Variants in PRMT9 observed in about 807,000 individuals in gnomAD.
The protein encoded by PRMT9 is protein arginine methyltransferase 9, also known as protein arginine N-methyltransferase 9.
A neutral mutation model predicts 83.2 loss-of-function variants in PRMT9; 59 were observed. The ratio of observed to expected loss-of-function variants is 0.71; its 90% confidence interval spans 0.57 to 0.88. PRMT9 has a LOEUF of 0.88. Among genes scored for constraint, PRMT9 ranks in the 40% least tolerant of loss-of-function variants. PRMT9 has a pLI of 0.00. For synonymous variants in PRMT9, 333 were observed against 353.2 expected (o/e 0.94, Z 0.64); for missense variants, 947 against 1,021.9 (o/e 0.93, Z 1.00).
At chr4:147,666,646 G>A (rs1306820474) in intron 6 of PRMT9, among the ~76,000 whole-genome samples, 1 of 151,860 alleles carries the variant, frequency 6.6e-6, no homozygotes, top group Non-Finnish European at 1.5e-5. Flanking sequence ...AGTTTCCTTG[G>A]ATATTCTTAA....
In PRMT9 at chr4:147,638,241, A is replaced by C. The variant is rs181877769; in HGVS notation, c.*291T>G. 19 of 364,798 alleles carry C rather than the reference A, an allele frequency of 5.2e-5. No individual in the cohort carries two copies. Among genetic ancestry groups the C allele is most frequent in the Non-Finnish European group, 9.1e-5 (18 of 196,894 alleles). 22.6% of individuals were successfully genotyped at this position (364,798 alleles called of 1,614,324 possible). A position where few individuals can be genotyped will look rare whatever the true frequency, so the allele number is the denominator to read the frequency against. On this transcript the variant is annotated 3_prime_UTR_variant, in exon 12 of 12. Coordinates refer to ENST00000322396, the MANE Select transcript of PRMT9 (RefSeq NM_138364.4). ...AAGTAAAGTTTTGCTTTACTTACAC[A>C]TGTCAATAACGATAAGACTTTTAAA...
chr4:147,681,274 G>A (rs1736451009), intron 1 of PRMT9, among the ~76,000 whole-genome samples: 1 of 152,120 alleles, frequency 6.6e-6, no homozygotes, highest in Non-Finnish European at 1.5e-5. Context: ...AACCTAATCT[G>A]GCCCTTGTAA....
rs189371126 is a variant in PRMT9 at position 147,671,366 on chromosome 4, G to A, written c.744-623C>T. ...CTGCCTGAGTCTTAGAAAAAGCCTC[G>A]TCCACAGAACTCTGCTCTTCTGTCC... On this transcript the variant is annotated intron_variant, in intron 4 of 11. Coordinates refer to ENST00000322396, the MANE Select transcript of PRMT9 (RefSeq NM_138364.4). Among the ~76,000 whole-genome samples the A allele has an allele frequency of 1.3e-3, 198 of 152,132 alleles. 2 individuals carry two copies. Among genetic ancestry groups the A allele is most frequent in the Non-Finnish European group, 7.4e-4 (50 of 67,980 alleles).
At chr4:147,656,051 T>C (rs1439124003) in intron 8 of PRMT9, among the ~76,000 whole-genome samples, 3 of 152,134 alleles carry the variant, frequency 2.0e-5, no homozygotes, top group Non-Finnish European at 2.9e-5. Context: ...TATCATCCCG[T>C]TTTTATATAT....
At chr4:147,673,612 A>C in intron 3 of PRMT9, 26 bp downstream of exon 3, 2 of 1,313,358 alleles carry the variant, frequency 1.5e-6, no homozygotes, top group Non-Finnish European at 2.2e-6. Context: ...ACATGTATAT[A>C]CCATTAAAAT....
chr4:147,679,892 C>A (rs1309075634), intron 2 of PRMT9, among the ~76,000 whole-genome samples: 5 of 152,220 alleles, frequency 3.3e-5, no homozygotes, highest in Non-Finnish European at 7.3e-5. Flanking sequence ...TCTTACCCTA[C>A]TACATGGTTT....
At chr4:147,668,763 G>GT in intron 5 of PRMT9, 118 bp from the exon 6 acceptor site, 2 of 706,338 alleles carry the variant, frequency 2.8e-6, no homozygotes, top group East Asian at 2.7e-5. Flanking sequence ...TAAGGATAAA[G>GT]TAAGTTAAAG....
chr4:147,662,200 A>C (rs1735013555), intron 6 of PRMT9, among the ~76,000 whole-genome samples: 1 of 152,230 alleles, frequency 6.6e-6, no homozygotes, highest in African/African-American at 2.4e-5. Context: ...CAATGAGAAT[A>C]AACAAACTAA....
At chr4:147,639,352 T>C (rs1375421103) in intron 10 of PRMT9, 1 of 379,342 alleles carries the variant, frequency 2.6e-6, no homozygotes, top group African/African-American at 2.1e-5. Context: ...CCATTACCTG[T>C]AGATCTTTCA....
chr4:147,658,894 T>C (rs1359168043), intron 7 of PRMT9, among the ~76,000 whole-genome samples: 2 of 151,948 alleles, frequency 1.3e-5, no homozygotes, highest in East Asian at 3.9e-4. Context: ...GGTCAAGAGT[T>C]TGGGGCCGGG....
At chr4:147,656,771 CAAAAAAA>C (rs1023416920) in intron 8 of PRMT9, among the ~76,000 whole-genome samples, 6 of 47,956 alleles carry the variant, frequency 1.3e-4, no homozygotes, top group Admixed American at 6.3e-4. Context: ...GACTCTGTCT[CAAAAAAA>C]AAAAAAAAAA....
At chr4:147,641,291 G>A (rs1254247929) in intron 10 of PRMT9, among the ~76,000 whole-genome samples, 2 of 152,002 alleles carry the variant, frequency 1.3e-5, no homozygotes, top group Admixed American at 6.6e-5. Context: ...TCAACATCTG[G>A]CCCCTAATAC....
chr4:147,656,933 G>A (rs1734547866), intron 8 of PRMT9, among the ~76,000 whole-genome samples: 1 of 151,632 alleles, frequency 6.6e-6, no homozygotes, highest in South Asian at 2.1e-4. Context: ...AGCCTAAAAA[G>A]GGTAGTTTTT....
chr4:147,668,288 T>C (rs1162911243), intron 6 of PRMT9, among the ~76,000 whole-genome samples: 1 of 152,144 alleles, frequency 6.6e-6, no homozygotes, highest in African/African-American at 2.4e-5. Flanking sequence ...CAAGATCTGA[T>C]GGTTTTACAA....
chr4:147,670,802 T>C (rs1278966063), intron 4 of PRMT9, 59 bp from the exon 5 acceptor site: 29 of 1,093,438 alleles, frequency 2.7e-5, no homozygotes, highest in African/African-American at 4.7e-5. Context: ...TATATAAAGA[T>C]GTCAAAGCTG....
Position 147,638,376 on chromosome 4 carries a change from C to G in PRMT9, c.*156G>C, listed in dbSNP as rs988029491. ...GCAGTATTTCTATAATAATGCTACCCTTTTATTTAGAATCTTTTAAAATAT... is the reference window on the plus strand; with the variant it reads ...GCAGTATTTCTATAATAATGCTACCGTTTTATTTAGAATCTTTTAAAATAT... On this transcript the variant is annotated 3_prime_UTR_variant, in exon 12 of 12. Coordinates refer to ENST00000322396, the MANE Select transcript of PRMT9 (RefSeq NM_138364.4). 17 of 644,872 alleles carry G rather than the reference C, an allele frequency of 2.6e-5. No individual in the cohort carries two copies. The highest frequency in any genetic ancestry group is 8.2e-5 in the East Asian group (3 of 36,472). The allele number at this position is 644,872 out of a possible 1,614,324, so 39.9% of individuals were successfully genotyped here. A position where few individuals can be genotyped will look rare whatever the true frequency, so the allele number is the denominator to read the frequency against.
At chr4:147,682,814 A>G (rs1046979193) in intron 1 of PRMT9, among the ~76,000 whole-genome samples, 1 of 152,168 alleles carries the variant, frequency 6.6e-6, no homozygotes, top group African/African-American at 2.4e-5. Context: ...ATTTACACTA[A>G]GTTTACATGA....
At chr4:147,679,980 T>C (rs1736358527) in intron 2 of PRMT9, among the ~76,000 whole-genome samples, 1 of 152,102 alleles carries the variant, frequency 6.6e-6, no homozygotes, top group Non-Finnish European at 1.5e-5. Context: ...TATACCCAGG[T>C]CCAGAAAACA....
chr4:147,642,739 T>G (rs370141200), intron 10 of PRMT9, 48 bp downstream of exon 10: 201 of 1,506,242 alleles, frequency 1.3e-4, no homozygotes, highest in Non-Finnish European at 1.8e-4. Context: ...AGAGCGATGG[T>G]AGACTGTTCA....
Sources: gnomAD v4.1 joint callset for allele counts (sites outside exome capture counted in the v4.1 genomes callset) on GRCh38, gnomAD v4.1.1 for gene constraint, MANE v1.5 for transcripts, NCBI Gene and HGNC (gene_info 2026-07-23, HGNC 2026-07-21) for gene names.